Variants in NECTIN3 observed in about 807,000 individuals in gnomAD.
The protein encoded by NECTIN3 is nectin cell adhesion molecule 3.
In NECTIN3, 8 loss-of-function variants were observed where a neutral mutation model predicts 49.4. That is an observed-to-expected ratio of 0.16 (90% confidence interval 0.10 to 0.29). The LOEUF (loss-of-function observed/expected upper bound fraction) is 0.29, where lower values mean the gene tolerates loss of function less well. NECTIN3 is among the 10% of genes least tolerant of loss of function. NECTIN3 has a pLI of 1.00. For missense variants in NECTIN3, 581 were observed against 654.6 expected (o/e 0.89, Z 1.23); for synonymous variants, 277 against 241.1 (o/e 1.15, Z -1.38).
At chr3:111,125,895 T>C (rs2034146112) in intron 4 of NECTIN3, among the ~76,000 whole-genome samples, 1 of 152,140 alleles carries the variant, frequency 6.6e-6, no homozygotes, top group South Asian at 2.1e-4. Context: ...CTGAATAAAA[T>C]TTTTTTAATT....
At chr3:111,110,245 C>A (rs2033398071) in intron 1 of NECTIN3, among the ~76,000 whole-genome samples, 1 of 151,718 alleles carries the variant, frequency 6.6e-6, no homozygotes, top group Non-Finnish European at 1.5e-5. Context: ...AGTGCACCAT[C>A]TTGTCTTGGT....
Position 111,135,821 on chromosome 3 carries a change from C to T in NECTIN3, c.*1606C>T. On this transcript the variant is annotated 3_prime_UTR_variant, in exon 6 of 6. Coordinates refer to ENST00000485303, the MANE Select transcript of NECTIN3 (RefSeq NM_015480.3). ...TGAAGGATTATAAACTAGTTTTCTT[C>T]ATTTTAACTAGCACTATTTTGTGGA... The T allele has an allele frequency of 1.1e-6, 1 of 931,076 alleles. No homozygotes were observed. The highest frequency in any genetic ancestry group is 1.3e-6 in the Non-Finnish European group (1 of 780,998). The allele number at this position is 931,076 out of a possible 1,614,324, so 57.7% of individuals were successfully genotyped here.
rs112469843 is a variant in NECTIN3 at position 111,145,044 on chromosome 3, A to G, written c.1139+7A>G. On this transcript the variant is annotated splice_region_variant and intron_variant, in intron 6 of 8. Coordinates refer to the NECTIN3 transcript ENST00000493615. ...CATCCTATCTTGACAAAGTGTAGGT[A>G]ACTTTTTTGCCTTTGTTCAACTATG... The G allele has an allele frequency of 7.8e-6, 12 of 1,535,602 alleles. No individual in the cohort carries two copies. The African/African-American group carries it at 1.4e-4, about 18-fold the overall frequency.
chr3:111,168,948 T>G lies in NECTIN3; in HGVS notation c.1221+21464T>G, dbSNP rs2035377651. ...TTCTATAGTCCTCCCTATATTACCT[T>G]GTACTGGGGTTTTGGATTACTAGAA... On this transcript the variant is annotated intron_variant, in intron 7 of 8. Coordinates refer to the NECTIN3 transcript ENST00000493615. Among the ~76,000 whole-genome samples the G allele has an allele frequency of 2.0e-5, 3 of 152,128 alleles. No individual in the cohort carries two copies. In the South Asian group the frequency reaches 6.2e-4, roughly 32 times the overall value.
intron 1 of NECTIN3, among the ~76,000 whole-genome samples, chr3:111,079,079 C>T (rs1193425507): frequency 1.3e-5 from 2 of 152,094 alleles, no homozygotes; most frequent in African/African-American, 4.8e-5. Context: ...GTGTGCTTGA[C>T]TCTTCTGTTG....
At chr3:111,074,047 G>C (rs925224914) in intron 1 of NECTIN3, among the ~76,000 whole-genome samples, 2 of 151,686 alleles carry the variant, frequency 1.3e-5, no homozygotes, top group Non-Finnish European at 2.9e-5. Flanking sequence ...TCTTGTTGTA[G>C]AGGTAGACAC....
Position 111,082,445 on chromosome 3 carries a change from T to C in NECTIN3, c.160+10268T>C, listed in dbSNP as rs190265073. Among the ~76,000 whole-genome samples, 42 of 152,192 alleles carry C rather than the reference T, an allele frequency of 2.8e-4. 2 individuals are homozygous for C. The East Asian group carries it at 8.1e-3, about 29-fold the overall frequency. On this transcript the variant is annotated intron_variant, in intron 1 of 5. Coordinates refer to ENST00000485303, the MANE Select transcript of NECTIN3 (RefSeq NM_015480.3). ...GGGAATAGTGGATGGGGCCAGAATT[T>C]TTTTTTAGATTGAGGTATTTTGATT...
intron 2 of NECTIN3, among the ~76,000 whole-genome samples, chr3:111,115,756 A>G (rs897541064): frequency 6.6e-6 from 1 of 152,236 alleles, no homozygotes; most frequent in African/African-American, 2.4e-5. Context: ...TGAGGCCATG[A>G]AGACTTGCAA....
At chr3:111,168,423 G>A (rs528181160) in intron 7 of NECTIN3, among the ~76,000 whole-genome samples, 4 of 151,938 alleles carry the variant, frequency 2.6e-5, no homozygotes, top group Admixed American at 6.5e-5. Flanking sequence ...TTCTACCCCC[G>A]TTTCCCTTTT....
At chr3:111,129,618 T>G (rs2034301710) in intron 5 of NECTIN3, among the ~76,000 whole-genome samples, 1 of 152,138 alleles carries the variant, frequency 6.6e-6, no homozygotes, top group South Asian at 2.1e-4. Context: ...AAAATCAGTT[T>G]CAGCACTTTC....
chr3:111,072,145 TCTTCCC>T lies in NECTIN3; in HGVS notation c.129_134del (p.Phe44_Pro45del). ...ACGCCACCTCCGCTGCTGCTGCTGC[TCTTCCC>T]GCTGCTGCTCTTCTCCAGGCTCTGT... is the stretch of plus-strand genomic sequence containing the variant. On this transcript the variant is annotated inframe_deletion, in exon 1 of 6. Coordinates refer to ENST00000485303, the MANE Select transcript of NECTIN3 (RefSeq NM_015480.3). 1 of 1,551,868 alleles carries T rather than the reference TCTTCCC, an allele frequency of 6.4e-7. No homozygotes were observed. Among genetic ancestry groups the T allele is most frequent in the Non-Finnish European group, 8.7e-7 (1 of 1,147,776 alleles).
Position 111,112,255 on chromosome 3 carries a change from A to G in NECTIN3, c.386A>G (p.Asn129Ser), listed in dbSNP as rs1259330906. The change falls in exon 2 of 6, where the codon AAT (asparagine) becomes AGT (serine). Residue 129 changes from asparagine (N) to serine (S), a missense_variant. Coordinates refer to ENST00000485303, the MANE Select transcript of NECTIN3 (RefSeq NM_015480.3). The stretch of plus-strand genomic sequence containing the variant: ...GTCTTGTTTAAAAATTACTCACTTA[A>G]TGATGCAACAATTACTCTGCATAAC... ...GRVLFKNYSLNDATITLHNIG... is the reference protein window; with the variant it reads ...GRVLFKNYSLSDATITLHNIG... 15 of 1,613,474 alleles carry G rather than the reference A, an allele frequency of 9.3e-6. No individual in the cohort carries two copies. The African/African-American group carries it at 1.5e-4, about 16-fold the overall frequency.
At chr3:111,139,393 T>A (rs1017428597), downstream of NECTIN3, among the ~76,000 whole-genome samples, 13 of 151,790 alleles carry the variant, frequency 8.6e-5, no homozygotes, top group African/African-American at 2.9e-4. Context: ...TCATTTGTTC[T>A]AAATTTTTCC....
At chr3:111,128,529 T>C (rs2034260662) in intron 5 of NECTIN3, among the ~76,000 whole-genome samples, 2 of 152,214 alleles carry the variant, frequency 1.3e-5, no homozygotes, top group Non-Finnish European at 2.9e-5. Flanking sequence ...ACTTAACATA[T>C]TCAAAACCAA....
intron 1 of NECTIN3, 158 bp from the exon 2 acceptor site, chr3:111,111,872 C>T (rs922670013): frequency 7.2e-6 from 4 of 557,032 alleles, no homozygotes; most frequent in South Asian, 2.7e-5. Flanking sequence ...GTGTGTGGTG[C>T]GTGTGAGTGC....
intron 5 of NECTIN3, among the ~76,000 whole-genome samples, chr3:111,142,921 C>T (rs536040744): frequency 6.6e-6 from 1 of 151,662 alleles, no homozygotes. Context: ...AGAGGAAGAC[C>T]TTTAGAATAA....
At position 111,137,251 on chromosome 3, in the gene NECTIN3, G is replaced by A. The variant is rs115245936; in HGVS notation, c.*3036G>A. The A allele has an allele frequency of 5.7e-4, 531 of 938,140 alleles. No individual in the cohort carries two copies. In the African/African-American group the frequency reaches 8.7e-3, roughly 15 times the overall value. 58.1% of individuals were successfully genotyped at this position (938,140 alleles called of 1,614,324 possible). On this transcript the variant is annotated 3_prime_UTR_variant, in exon 6 of 6. Transcript: ENST00000485303. ...GTAAAATATAAGAAAGGAATAAATG[G>A]TACCCATTTTGAATTTTTAATTCTA...
At chr3:111,139,698 C>T (rs2034692229), downstream of NECTIN3, among the ~76,000 whole-genome samples, 1 of 151,704 alleles carries the variant, frequency 6.6e-6, no homozygotes, top group Admixed American at 6.6e-5. Flanking sequence ...TCTATCATAA[C>T]CTCACATCTT....
At chr3:111,122,356 T>TA in intron 4 of NECTIN3, 118 bp downstream of exon 4, 2 of 734,012 alleles carry the variant, frequency 2.7e-6, no homozygotes, top group Non-Finnish European at 4.2e-6. Flanking sequence ...AAATTTTAAT[T>TA]AAATTTTCTG....
Sources: allele counts gnomAD v4.1 joint callset (sites outside exome capture counted in the v4.1 genomes callset), GRCh38; gene constraint gnomAD v4.1.1; transcripts MANE v1.5; gene names NCBI Gene and HGNC (gene_info 2026-07-23, HGNC 2026-07-21).